Variants in HEMK2 observed in about 807,000 individuals in gnomAD.
HEMK2 encodes the protein methyltransferase HEMK2.
chr21:28,741,755 G>A, the HEMK2 span, among the ~76,000 whole-genome samples: 1 of 152,162 alleles, frequency 6.6e-6, no homozygotes, highest in Non-Finnish European at 1.5e-5. Flanking sequence ...CGGCAGCATA[G>A]TATTCCATGG....
the HEMK2 span, among the ~76,000 whole-genome samples, chr21:28,609,610 T>A: frequency 1.3e-3 from 111 of 87,742 alleles, no homozygotes; most frequent in Admixed American, 2.0e-3. Flanking sequence ...ATTAAGCCAA[T>A]CAAGGAGGCA....
chr21:28,883,071 T>A, the HEMK2 span: 3 of 1,592,576 alleles, frequency 1.9e-6, no homozygotes, highest in Non-Finnish European at 2.6e-6. Context: ...ATATTTCCAC[T>A]CTGAAAAAAA....
At chr21:28,774,612 C>T in the HEMK2 span, among the ~76,000 whole-genome samples, 1 of 151,896 alleles carries the variant, frequency 6.6e-6, no homozygotes, top group Admixed American at 6.6e-5. Context: ...AAAGAAATGC[C>T]CATATACAGA....
chr21:28,774,955 G>C, the HEMK2 span, among the ~76,000 whole-genome samples: 27 of 152,098 alleles, frequency 1.8e-4, no homozygotes, highest in Non-Finnish European at 1.5e-5. Flanking sequence ...AAACCTGGCA[G>C]AAAAGAACCC....
chr21:28,583,221 A>C, the HEMK2 span, among the ~76,000 whole-genome samples: 1 of 152,232 alleles, frequency 6.6e-6, no homozygotes, highest in African/African-American at 2.4e-5. Context: ...ATGATTATAA[A>C]ATAAAAATTC....
the HEMK2 span, among the ~76,000 whole-genome samples, chr21:28,710,315 G>A: frequency 6.6e-6 from 1 of 152,168 alleles, no homozygotes; most frequent in African/African-American, 2.4e-5. Context: ...ATCCTGTTGG[G>A]AATATGATTT....
chr21:28,732,330 C>T, the HEMK2 span, among the ~76,000 whole-genome samples: 20,570 of 152,204 alleles, frequency 0.14, 1,613 homozygotes, highest in East Asian at 0.3. Context: ...ATTTCAGTGC[C>T]ACTGTGTGCC....
At chr21:28,578,725 T>C in the HEMK2 span, among the ~76,000 whole-genome samples, 4 of 152,168 alleles carry the variant, frequency 2.6e-5, no homozygotes, top group Admixed American at 2.0e-4. Flanking sequence ...GGTTGTTTGA[T>C]AGGGGACCTT....
At chr21:28,867,961 T>C in the HEMK2 span, among the ~76,000 whole-genome samples, 3 of 152,338 alleles carry the variant, frequency 2.0e-5, no homozygotes, top group Admixed American at 2.0e-4. Context: ...TAGTGGACTT[T>C]TGTATATGGT....
the HEMK2 span, among the ~76,000 whole-genome samples, chr21:28,849,326 T>A: frequency 6.6e-6 from 1 of 151,296 alleles, no homozygotes; most frequent in Non-Finnish European, 1.5e-5. Flanking sequence ...TCCCAGAGCA[T>A]CAAAAAAGAT....
chr21:28,672,970 A>T, the HEMK2 span, among the ~76,000 whole-genome samples: 1 of 150,766 alleles, frequency 6.6e-6, no homozygotes, highest in African/African-American at 2.5e-5. Flanking sequence ...AGAAAGAAAA[A>T]AAATAAAAAA....
chr21:28,837,894 C>T, the HEMK2 span, among the ~76,000 whole-genome samples: 69 of 152,242 alleles, frequency 4.5e-4, no homozygotes, highest in East Asian at 8.5e-3. Context: ...AAAGATAGTT[C>T]AAGGCCACTA....
the HEMK2 span, among the ~76,000 whole-genome samples, chr21:28,824,660 GAGAGAT>G: frequency 1.3e-5 from 2 of 152,190 alleles, no homozygotes; most frequent in African/African-American, 4.8e-5. Flanking sequence ...AAAAGAGAGA[GAGAGAT>G]AGAGAGTCTT....
the HEMK2 span, among the ~76,000 whole-genome samples, chr21:28,676,768 A>G: frequency 4.6e-5 from 7 of 152,114 alleles, no homozygotes; most frequent in Non-Finnish European, 8.8e-5. Context: ...CCTTTTGCCC[A>G]ATAAATTCCA....
At chr21:28,868,641 G>A in the HEMK2 span, among the ~76,000 whole-genome samples, 1,171 of 152,188 alleles carry the variant, frequency 7.7e-3, 6 homozygotes, top group Non-Finnish European at 0.013. Flanking sequence ...CCAAGTTCAC[G>A]CCACTGCACT....
At chr21:28,884,361 A>G in the HEMK2 span, among the ~76,000 whole-genome samples, 2 of 152,352 alleles carry the variant, frequency 1.3e-5, no homozygotes, top group East Asian at 3.9e-4. Flanking sequence ...TACTGGAGAA[A>G]TATGACCAAG....
chr21:28,853,775 G>T, the HEMK2 span, among the ~76,000 whole-genome samples: 2 of 152,146 alleles, frequency 1.3e-5, no homozygotes, highest in African/African-American at 2.4e-5. Flanking sequence ...GTTGAGGAAG[G>T]TATTTCTTCA....
chr21:28,664,526 A>G, the HEMK2 span, among the ~76,000 whole-genome samples: 1 of 152,126 alleles, frequency 6.6e-6, no homozygotes, highest in Non-Finnish European at 1.5e-5. Context: ...CATCTGTACT[A>G]CAGTTTATTC....
chr21:28,819,291 CA>C, the HEMK2 span, among the ~76,000 whole-genome samples: 4,606 of 108,372 alleles, frequency 0.043, 187 homozygotes, highest in African/African-American at 0.12. Context: ...TTTATTAGCT[CA>C]AAAAAAAAAA....
Sources: gnomAD v4.1 joint callset for allele counts (sites outside exome capture counted in the v4.1 genomes callset) on GRCh38, gnomAD v4.1.1 for gene constraint, MANE v1.5 for transcripts, NCBI Gene and HGNC (gene_info 2026-07-23, HGNC 2026-07-21) for gene names.